TULP4: variants seen among roughly 807,000 people sequenced by gnomAD.
The protein encoded by TULP4 is TUB like protein 4.
In TULP4, 16 loss-of-function variants were observed where a neutral mutation model predicts 129.0. That is an observed-to-expected ratio of 0.12 (90% confidence interval 0.08 to 0.19). The LOEUF (loss-of-function observed/expected upper bound fraction) is 0.19, where lower values mean the gene tolerates loss of function less well. TULP4 is among the 10% of genes least tolerant of loss of function. The pLI is 1.00. For missense variants in TULP4, 1,842 were observed against 2,059.1 expected (o/e 0.89, Z 2.04); for synonymous variants, 998 against 854.0 (o/e 1.17, Z -2.94).
chr6:158,482,918 C>T (rs765386306), intron 8 of TULP4, among the ~76,000 whole-genome samples: 4 of 152,174 alleles, frequency 2.6e-5, no homozygotes, highest in Non-Finnish European at 4.4e-5. Context: ...CTCTTCCTTC[C>T]GGTTCATGTT....
intron 1 of TULP4, among the ~76,000 whole-genome samples, chr6:158,412,443 A>G (rs1778117213): frequency 6.6e-6 from 1 of 152,240 alleles, no homozygotes; most frequent in Admixed American, 6.5e-5. Context: ...ATAAGTGATC[A>G]GAATTTTTCA....
Position 158,423,633 on chromosome 6 carries a change from T to TTTGTTGTTG in TULP4, c.382-6088_382-6080dup, listed in dbSNP as rs56085300. Among the ~76,000 whole-genome samples the TTTGTTGTTG allele has an allele frequency of 2.4e-3, 365 of 150,778 alleles. 5 individuals are homozygous for TTTGTTGTTG. The highest frequency in any genetic ancestry group is 8.7e-3 in the African/African-American group (355 of 40,792). Reference sequence around the variant, plus strand: ...TGTTTGTTGTTATTTGTTTTTGTTTTTTGTTGTTGTTGTTGTTGTTGTTTT... The same window carrying TTTGTTGTTG: ...TGTTTGTTGTTATTTGTTTTTGTTTTTTGTTGTTGTTGTTGTTGTTGTTGTTGTTGTTTT... On this transcript the variant is annotated intron_variant, in intron 2 of 13. Coordinates refer to ENST00000367097, the MANE Select transcript of TULP4 (RefSeq NM_020245.5).
intron 1 of TULP4, among the ~76,000 whole-genome samples, chr6:158,344,019 ATTTGTTT>A (rs1780246150): frequency 6.6e-6 from 1 of 152,112 alleles, no homozygotes; most frequent in Non-Finnish European, 1.5e-5. Flanking sequence ...CACCATCGTG[ATTTGTTT>A]CTTCCCCACC....
At chr6:158,261,093 A>G (rs1404293390) in intron 1 of TULP4, among the ~76,000 whole-genome samples, 2 of 152,114 alleles carry the variant, frequency 1.3e-5, no homozygotes, top group Non-Finnish European at 2.9e-5. Context: ...CGCTGGGAGT[A>G]TAGGAGTGAG....
In TULP4 at chr6:158,501,993, C is replaced by T. The variant is rs1345199780; in HGVS notation, c.2330C>T (p.Pro777Leu). ...AACCCCCCTCCACTGTCCCTGCCTC[C>T]CCCGCCGCAGGGGCCCATGCAGCTG... ...IQNPPPLSLP[P>L]PPQGPMQLST... Residue 777 changes from proline to leucine, a missense_variant, in exon 13 of 14, where the codon CCC becomes CTC. Transcript: ENST00000367097. 1 of 1,613,804 alleles carries T rather than the reference C, an allele frequency of 6.2e-7. No homozygotes were observed. Among genetic ancestry groups the T allele is most frequent in the Non-Finnish European group, 8.5e-7 (1 of 1,179,928 alleles).
intron 1 of TULP4, among the ~76,000 whole-genome samples, chr6:158,286,999 A>G (rs1252021195): frequency 1.3e-5 from 2 of 152,232 alleles, no homozygotes; most frequent in African/African-American, 4.8e-5. Context: ...TCATTTGCCA[A>G]CAGATATTTA....
chr6:158,349,813 C>T (rs1780454703), intron 1 of TULP4, among the ~76,000 whole-genome samples: 3 of 140,736 alleles, frequency 2.1e-5, no homozygotes, highest in Non-Finnish European at 3.1e-5. Flanking sequence ...AGAGGCGCTC[C>T]TCACCTCCCA....
rs1780260630 is a variant in TULP4, at chr6:158,344,638, TTA to T, written c.252+30372_252+30373del. 3.9e-5 allele frequency among the ~76,000 whole-genome samples: 6 copies of T among 152,324 alleles called. No individual in the cohort carries two copies. In the South Asian group the frequency reaches 1.2e-3, roughly 32 times the overall value. Reference sequence around the variant, plus strand: ...GTGATCTTAGTAAATGTTGTATGTGTTATGACTGTTCCACCGGCTGGCCATTC... The same window carrying T: ...GTGATCTTAGTAAATGTTGTATGTGTTGACTGTTCCACCGGCTGGCCATTC... On this transcript the variant is annotated intron_variant, in intron 1 of 13. Coordinates refer to ENST00000367097, the MANE Select transcript of TULP4 (RefSeq NM_020245.5).
At chr6:158,465,699 G>A (rs999438079) in intron 6 of TULP4, among the ~76,000 whole-genome samples, 8 of 152,194 alleles carry the variant, frequency 5.3e-5, no homozygotes, top group Non-Finnish European at 1.2e-4. Flanking sequence ...GAGAAAGTGC[G>A]CCCGAAGCAG....
At chr6:158,240,957 G>T (rs1405514321) in intron 1 of TULP4, among the ~76,000 whole-genome samples, 10 of 143,690 alleles carry the variant, frequency 7.0e-5, no homozygotes, top group Admixed American at 1.4e-4. Flanking sequence ...AGTCAGGGCA[G>T]CTGCCGGGCG....
intron 1 of TULP4, among the ~76,000 whole-genome samples, chr6:158,274,039 C>T (rs1778596525): frequency 1.3e-5 from 2 of 151,976 alleles, no homozygotes; most frequent in Admixed American, 1.3e-4. Flanking sequence ...GTGGGTGGAT[C>T]ATGAGGTCAG....
In TULP4 at chr6:158,502,621, C is replaced by T. The variant is rs1343744803; in HGVS notation, c.2958C>T (p.Thr986=). 1 of 1,596,450 alleles carries T rather than the reference C, an allele frequency of 6.3e-7. No homozygotes were observed. Among genetic ancestry groups the T allele is most frequent in the Non-Finnish European group, 8.5e-7 (1 of 1,177,394 alleles). The change falls in exon 13 of 14, where the codon ACC becomes ACT. Residue 986 remains threonine (T), a synonymous_variant. Coordinates refer to ENST00000367097, the MANE Select transcript of TULP4 (RefSeq NM_020245.5). ...CCGACAATAGCCTCATCCACGCTAC[C>T]CTGCGGAGGAACAACCGTGAGGCTA... ...QRSDNSLIHA[T]LRRNNREATL...
At chr6:158,266,871 C>T (rs546869867) in intron 1 of TULP4, among the ~76,000 whole-genome samples, 23 of 152,284 alleles carry the variant, frequency 1.5e-4, no homozygotes, top group African/African-American at 5.5e-4. Flanking sequence ...GCATTAAGTA[C>T]GTTCCTGTTG....
chr6:158,385,759 C>T (rs1278492217), intron 1 of TULP4, among the ~76,000 whole-genome samples: 1 of 143,924 alleles, frequency 6.9e-6, no homozygotes, highest in African/African-American at 2.6e-5. Flanking sequence ...CTTTTACCCT[C>T]TCTTCTCCAA....
intron 1 of TULP4, among the ~76,000 whole-genome samples, chr6:158,268,439 G>A (rs189107828): frequency 1.3e-3 from 202 of 152,238 alleles, no homozygotes; most frequent in Non-Finnish European, 2.1e-3. Flanking sequence ...TATTGTCTTA[G>A]TCTGTTTGGC....
At chr6:158,365,511 C>G (rs187675329) in intron 1 of TULP4, among the ~76,000 whole-genome samples, 1 of 139,610 alleles carries the variant, frequency 7.2e-6, no homozygotes, top group Non-Finnish European at 1.5e-5. Flanking sequence ...GAGTCTTGCT[C>G]TGTTGCCCAG....
intron 7 of TULP4, among the ~76,000 whole-genome samples, chr6:158,480,693 G>GTTT (rs58685533): frequency 9.3e-5 from 14 of 150,758 alleles, no homozygotes; most frequent in South Asian, 4.2e-4. Flanking sequence ...CTGTTGGGTT[G>GTTT]TTTTTTTTTC....
At chr6:158,276,074 A>T (rs1778640484) in intron 1 of TULP4, among the ~76,000 whole-genome samples, 1 of 151,480 alleles carries the variant, frequency 6.6e-6, no homozygotes, top group South Asian at 2.1e-4. Flanking sequence ...AGTTTAAGCG[A>T]CTCTCCTGTC....
At chr6:158,477,060 G>T (rs1331870776) in intron 6 of TULP4, among the ~76,000 whole-genome samples, 1 of 152,170 alleles carries the variant, frequency 6.6e-6, no homozygotes, top group African/African-American at 2.4e-5. Flanking sequence ...GTGAGCATTT[G>T]ATGTGCTTGC....
Sources: allele counts gnomAD v4.1 joint callset (sites outside exome capture counted in the v4.1 genomes callset), GRCh38; gene constraint gnomAD v4.1.1; transcripts MANE v1.5; gene names NCBI Gene and HGNC (gene_info 2026-07-23, HGNC 2026-07-21).